Variants in XKR5 observed in about 807,000 individuals in gnomAD.
The protein encoded by XKR5 is XK related 5, also known as XK-related protein 5.
Under a neutral mutation model 40.8 loss-of-function variants are expected in XKR5, and 46 were observed. The observed-to-expected ratio is 1.13, with a 90% confidence interval of 0.89 to 1.44. XKR5 has a LOEUF of 1.44. Among genes scored for constraint, XKR5 ranks in the 40% most tolerant of loss-of-function variants. XKR5 has a pLI of 0.00. For synonymous variants in XKR5, 466 were observed against 356.1 expected (o/e 1.31, Z -3.48); for missense variants, 1,169 against 844.7 (o/e 1.38, Z -4.76).
intron 5 of XKR5, among the ~76,000 whole-genome samples, chr8:6,817,718 C>G (rs1479033485): frequency 2.0e-5 from 3 of 152,200 alleles, no homozygotes; most frequent in African/African-American, 7.2e-5. Context: ...CTTGCAGTTG[C>G]AAATCATTTC....
chr8:6,814,061 T>A (rs1318902045), intron 6 of XKR5, among the ~76,000 whole-genome samples: 2 of 152,128 alleles, frequency 1.3e-5, no homozygotes, highest in Non-Finnish European at 2.9e-5. Flanking sequence ...GGCCCCTCCC[T>A]GAAGGAAGGA....
chr8:6,813,681 C>T (rs1217828459), intron 6 of XKR5, among the ~76,000 whole-genome samples: 1 of 152,168 alleles, frequency 6.6e-6, no homozygotes, highest in African/African-American at 2.4e-5. Context: ...AGGCTCTGAG[C>T]CGGTGGCCAC....
chr8:6,815,863 C>A lies in XKR5; in HGVS notation c.863G>T (p.Gly288Val), dbSNP rs762826352. The A allele has an allele frequency of 4.4e-6, 7 of 1,605,920 alleles. No homozygotes were observed. The East Asian group carries it at 1.6e-4, about 36-fold the overall frequency. The change falls in exon 6 of 7, where the codon GGG (glycine) becomes GTG (valine). Residue 288 changes from glycine to valine, a missense_variant. Gly to Val is a moderately radical substitution (Grantham distance 109). Coordinates refer to ENST00000618742, the MANE Select transcript of XKR5 (RefSeq NM_207411.5). ...LLLLATDFLQ[G>V]ASWTSLQTIA... Reference sequence around the variant, plus strand: ...GGTCTGCAGGCTGGTCCACGATGCCCCCTGGAGAAAGTCGGTGGCCAACAG... The same window carrying A: ...GGTCTGCAGGCTGGTCCACGATGCCACCTGGAGAAAGTCGGTGGCCAACAG...
Position 6,811,001 on chromosome 8 carries a change from G to A in XKR5, c.*197C>T. 1 of 571,992 alleles carries A rather than the reference G, an allele frequency of 1.7e-6. No homozygotes were observed. The highest frequency in any genetic ancestry group is 3.1e-6 in the Non-Finnish European group (1 of 327,298). 35.4% of individuals were successfully genotyped at this position (571,992 alleles called of 1,614,324 possible). A position where few individuals can be genotyped will look rare whatever the true frequency, so the allele number is the denominator to read the frequency against. On this transcript the variant is annotated 3_prime_UTR_variant, in exon 7 of 7. Coordinates refer to ENST00000618742, the MANE Select transcript of XKR5 (RefSeq NM_207411.5). ...GTTAGAGTCTCTCCTATGCATGGGT[G>A]GGGTCTGTGATGTTTGCATTGGACC...
intron 6 of XKR5, among the ~76,000 whole-genome samples, chr8:6,814,262 C>T (rs1279141935): frequency 1.3e-5 from 2 of 152,144 alleles, no homozygotes; most frequent in Non-Finnish European, 2.9e-5. Context: ...CATGGGTCGA[C>T]GATGAAACAA....
chr8:6,817,553 A>G (rs554265622), intron 5 of XKR5, among the ~76,000 whole-genome samples: 82 of 151,978 alleles, frequency 5.4e-4, no homozygotes, highest in African/African-American at 1.9e-3. Context: ...CAGCAGCTCA[A>G]GGCCTCACCC....
At chr8:6,819,284 G>A (rs1007214716) in intron 5 of XKR5, among the ~76,000 whole-genome samples, 13 of 152,210 alleles carry the variant, frequency 8.5e-5, no homozygotes, top group Admixed American at 3.9e-4. Flanking sequence ...GGCTGGGGCT[G>A]CGTGGGTCCC....
chr8:6,810,854 A>T lies in XKR5; in HGVS notation c.*344T>A, dbSNP rs546985224. 21 of 187,766 alleles carry T rather than the reference A, an allele frequency of 1.1e-4. No homozygotes were observed. The South Asian group carries it at 1.1e-3, about 10-fold the overall frequency. 11.6% of individuals were successfully genotyped at this position (187,766 alleles called of 1,614,324 possible). A position where few individuals can be genotyped will look rare whatever the true frequency, so the allele number is the denominator to read the frequency against. ...AACAAGAACCTCAAATAAAATAGGA[A>T]TCTGGGTTTTACCTTTGTGTTTCCT... On this transcript the variant is annotated 3_prime_UTR_variant, in exon 7 of 7. Coordinates refer to ENST00000618742, the MANE Select transcript of XKR5 (RefSeq NM_207411.5).
At chr8:6,830,976 C>A (rs1030085191) in intron 2 of XKR5, among the ~76,000 whole-genome samples, 1 of 152,158 alleles carries the variant, frequency 6.6e-6, no homozygotes. Context: ...GTCCACACAG[C>A]CTCAGAAGGC....
intron 2 of XKR5, among the ~76,000 whole-genome samples, chr8:6,826,858 G>A (rs1804510683): frequency 6.6e-6 from 1 of 152,176 alleles, no homozygotes; most frequent in South Asian, 2.1e-4. Context: ...GCTGATCTCT[G>A]CACTGTGGAT....
intron 6 of XKR5, among the ~76,000 whole-genome samples, chr8:6,815,447 A>G (rs551089972): frequency 1.3e-5 from 2 of 151,752 alleles, no homozygotes; most frequent in African/African-American, 4.8e-5. Flanking sequence ...GTGCTTGTCT[A>G]TGGGCTGCAG....
intron 1 of XKR5, among the ~76,000 whole-genome samples, chr8:6,834,123 A>G (rs1377233857): frequency 6.6e-6 from 1 of 152,140 alleles, no homozygotes; most frequent in African/African-American, 2.4e-5. Flanking sequence ...CAATACTCCT[A>G]GCACGGCCTC....
rs1309570338 is a variant in XKR5, at chr8:6,815,788, A to T, written c.919+19T>A. ...CGTTGGGGAGGGGATGCAGAGAAGA[A>T]GGTGACATTGGGACTTACCAATCAG... On this transcript the variant is annotated intron_variant, in intron 6 of 6. Coordinates refer to ENST00000618742, the MANE Select transcript of XKR5 (RefSeq NM_207411.5). 6.5e-7 allele frequency: 1 copy of T among 1,535,594 alleles called. No homozygotes were observed. The highest frequency in any genetic ancestry group is 1.8e-5 in the Admixed American group (1 of 54,464).
chr8:6,834,430 G>A (rs1479301844), intron 1 of XKR5, among the ~76,000 whole-genome samples: 2 of 152,218 alleles, frequency 1.3e-5, no homozygotes. Context: ...AGCCTTCGGT[G>A]CTGCAGGGCT....
chr8:6,826,172 C>A (rs150042802), intron 2 of XKR5, among the ~76,000 whole-genome samples: 110 of 150,452 alleles, frequency 7.3e-4, no homozygotes, highest in African/African-American at 2.7e-3. Flanking sequence ...TGCATGTATG[C>A]ATGTGTGTGT....
intron 4 of XKR5, among the ~76,000 whole-genome samples, chr8:6,823,159 G>T (rs1457651103): frequency 6.6e-6 from 1 of 152,162 alleles, no homozygotes; most frequent in Non-Finnish European, 1.5e-5. Context: ...GTACTCATCG[G>T]GAGCTGCAGT....
At chr8:6,815,949 TC>T in intron 5 of XKR5, 31 bp from the exon 6 acceptor site, 1 of 1,516,616 alleles carries the variant, frequency 6.6e-7, no homozygotes, top group Non-Finnish European at 9.0e-7. Flanking sequence ...GCACCACACC[TC>T]GTCAGGTGCA....
At chr8:6,832,670 C>T (rs375733304) in intron 2 of XKR5, 47 bp downstream of exon 2, 23 of 1,603,074 alleles carry the variant, frequency 1.4e-5, no homozygotes, top group East Asian at 2.2e-5. Context: ...CCTCTCACTG[C>T]ACTTGTGCAA....
At chr8:6,815,479 G>A (rs754202647) in intron 6 of XKR5, among the ~76,000 whole-genome samples, 1 of 152,128 alleles carries the variant, frequency 6.6e-6, no homozygotes, top group Non-Finnish European at 1.5e-5. Flanking sequence ...TCAGGAAGAT[G>A]TGAGGAGCTC....
Sources: allele counts gnomAD v4.1 joint callset (sites outside exome capture counted in the v4.1 genomes callset), GRCh38; gene constraint gnomAD v4.1.1; transcripts MANE v1.5; gene names NCBI Gene and HGNC (gene_info 2026-07-23, HGNC 2026-07-21).